Variants in HECW2 observed in about 807,000 individuals in gnomAD.
HECW2 encodes HECT, C2 and WW domain containing E3 ubiquitin protein ligase 2.
Under a neutral mutation model 175.2 loss-of-function variants are expected in HECW2, and 61 were observed. That is an observed-to-expected ratio of 0.35 (90% CI 0.28 to 0.43). HECW2 has a LOEUF of 0.43. Ranked by LOEUF, HECW2 falls within the 20% of genes least tolerant of loss-of-function variation. The pLI is 1.00. For synonymous variants in HECW2, 671 were observed against 731.0 expected (o/e 0.92, Z 1.32); for missense variants, 1,524 against 2,000.5 (o/e 0.76, Z 4.54).
chr2:196,293,343 C>T (rs1031972341), intron 13 of HECW2, among the ~76,000 whole-genome samples: 3 of 152,174 alleles, frequency 2.0e-5, no homozygotes, highest in Non-Finnish European at 2.9e-5. Context: ...CATTCCTTTT[C>T]GTGGCTGCAT....
intron 1 of HECW2, among the ~76,000 whole-genome samples, chr2:196,547,925 A>T (rs1352120692): frequency 6.6e-6 from 1 of 151,652 alleles, no homozygotes; most frequent in Non-Finnish European, 1.5e-5. Context: ...CACTTGGGGG[A>T]CCTCTTCTCT....
chr2:196,414,917 G>A (rs1441862754), intron 2 of HECW2, among the ~76,000 whole-genome samples: 4 of 152,178 alleles, frequency 2.6e-5, no homozygotes, highest in Admixed American at 6.5e-5. Flanking sequence ...ACTGCAGACA[G>A]CACTCATGAA....
At chr2:196,210,059 A>G (rs1687219406) in intron 28 of HECW2, among the ~76,000 whole-genome samples, 1 of 152,116 alleles carries the variant, frequency 6.6e-6, no homozygotes, top group Non-Finnish European at 1.5e-5. Context: ...CACTGTGCCC[A>G]GCCTGGTTTT....
rs546562985 is a variant in HECW2, at chr2:196,452,011, T to C, written c.-35-18553A>G. On this transcript the variant is annotated intron_variant, in intron 1 of 28. Coordinates refer to ENST00000644978, the MANE Select transcript of HECW2 (RefSeq NM_001348768.2). The stretch of plus-strand genomic sequence containing the variant: ...ATTCTTCTAACTACATCAAATACTA[T>C]AGTGTTGTATTACCATTTTTATGTC... Among the ~76,000 whole-genome samples, 3 of 152,324 alleles carry C rather than the reference T, an allele frequency of 2.0e-5. No homozygotes were observed. The South Asian group carries it at 6.2e-4, about 32-fold the overall frequency.
chr2:196,344,776 G>T (rs1025188558), intron 2 of HECW2, among the ~76,000 whole-genome samples: 3 of 152,168 alleles, frequency 2.0e-5, no homozygotes, highest in African/African-American at 7.2e-5. Flanking sequence ...AAGGATTAAG[G>T]TTGCACTTTA....
intron 1 of HECW2, among the ~76,000 whole-genome samples, chr2:196,469,697 G>A (rs1390522909): frequency 1.3e-5 from 2 of 151,812 alleles, no homozygotes; most frequent in East Asian, 3.9e-4. Context: ...AAAGACAAAT[G>A]AAAAGTTGAG....
rs1686723157 is a variant in HECW2, at chr2:196,197,290, GT to G, written c.*3986del. On this transcript the variant is annotated 3_prime_UTR_variant, in exon 29 of 29. Coordinates refer to ENST00000644978, the MANE Select transcript of HECW2 (RefSeq NM_001348768.2). The stretch of plus-strand genomic sequence containing the variant: ...TTATAAGATATTTGCCTTGTTAGAA[GT>G]GGTCCAATCATAAATAAAATTTGTG... 6.6e-6 allele frequency: 1 copy of G among 150,966 alleles called. No homozygotes were observed. 9.4% of individuals were successfully genotyped at this position (150,966 alleles called of 1,614,324 possible).
At chr2:196,282,080 C>A (rs1690209901) in intron 14 of HECW2, among the ~76,000 whole-genome samples, 1 of 152,138 alleles carries the variant, frequency 6.6e-6, no homozygotes, top group African/African-American at 2.4e-5. Flanking sequence ...TCCTAAGGAT[C>A]ACAGTGTTTC....
intron 13 of HECW2, among the ~76,000 whole-genome samples, chr2:196,296,266 A>T (rs1690811346): frequency 6.6e-6 from 1 of 152,190 alleles, no homozygotes; most frequent in Non-Finnish European, 1.5e-5. Flanking sequence ...ACTCATAGAG[A>T]CAAAGAAAAC....
intron 10 of HECW2, among the ~76,000 whole-genome samples, chr2:196,312,374 C>T (rs13419242): frequency 0.024 from 3,583 of 152,140 alleles, 146 homozygotes; most frequent in African/African-American, 0.081. Flanking sequence ...GGTATCATCA[C>T]CAAAATGGCG....
intron 1 of HECW2, among the ~76,000 whole-genome samples, chr2:196,491,406 A>T (rs1354205275): frequency 8.1e-6 from 1 of 123,824 alleles, no homozygotes; most frequent in Non-Finnish European, 1.8e-5. Flanking sequence ...ACACACACAC[A>T]CGTGTGTATG....
intron 13 of HECW2, among the ~76,000 whole-genome samples, chr2:196,293,790 TG>T (rs1186226574): frequency 6.6e-6 from 1 of 152,166 alleles, no homozygotes; most frequent in East Asian, 1.9e-4. Flanking sequence ...GCTCTCTGAG[TG>T]AGTGCCAGAT....
At chr2:196,418,154 A>G (rs1695305117) in intron 2 of HECW2, among the ~76,000 whole-genome samples, 3 of 151,104 alleles carry the variant, frequency 2.0e-5, no homozygotes, top group African/African-American at 7.3e-5. Flanking sequence ...TTTGAGATGG[A>G]GTCTCGCTCT....
At chr2:196,216,563 CTG>C (rs1026483274) in intron 27 of HECW2, among the ~76,000 whole-genome samples, 2 of 151,714 alleles carry the variant, frequency 1.3e-5, no homozygotes, top group Non-Finnish European at 2.9e-5. Flanking sequence ...AGTTTTCCCA[CTG>C]TTCTTGAATG....
chr2:196,494,234 T>C (rs1357183334), intron 1 of HECW2, among the ~76,000 whole-genome samples: 1 of 152,126 alleles, frequency 6.6e-6, no homozygotes, highest in Admixed American at 6.5e-5. Flanking sequence ...ATCTAAATCA[T>C]AAAGCAACAT....
intron 2 of HECW2, among the ~76,000 whole-genome samples, chr2:196,364,607 G>A (rs1403853103): frequency 2.6e-5 from 4 of 152,150 alleles, no homozygotes; most frequent in Non-Finnish European, 5.9e-5. Flanking sequence ...CATTAATAAC[G>A]ACTTTTTATC....
At chr2:196,404,772 T>C (rs1412850398) in intron 2 of HECW2, among the ~76,000 whole-genome samples, 1 of 151,874 alleles carries the variant, frequency 6.6e-6, no homozygotes, top group South Asian at 2.1e-4. Flanking sequence ...GATCCATTCT[T>C]ATAATCATCC....
At chr2:196,514,626 A>C (rs551870352) in intron 1 of HECW2, among the ~76,000 whole-genome samples, 13 of 152,230 alleles carry the variant, frequency 8.5e-5, no homozygotes, top group Admixed American at 4.6e-4. Context: ...CTCCCCTCTG[A>C]AGTCCATAAA....
At chr2:196,343,871 A>T in intron 2 of HECW2, 107 bp from the exon 3 acceptor site, 1 of 760,652 alleles carries the variant, frequency 1.3e-6, no homozygotes, top group Non-Finnish European at 2.3e-6. Context: ...AAATGAGAAA[A>T]TATAATGCAC....
Sources: allele counts gnomAD v4.1 joint callset (sites outside exome capture counted in the v4.1 genomes callset), GRCh38; gene constraint gnomAD v4.1.1; transcripts MANE v1.5; gene names NCBI Gene and HGNC (gene_info 2026-07-23, HGNC 2026-07-21).